PRPSAP1: variants seen among roughly 807,000 people sequenced by gnomAD.
PRPSAP1 encodes the protein phosphoribosyl pyrophosphate synthase-associated protein 1.
Under a neutral mutation model 39.4 loss-of-function variants are expected in PRPSAP1, and 31 were observed. That is an observed-to-expected ratio of 0.79 (90% confidence interval 0.59 to 1.06). PRPSAP1 has a LOEUF of 1.06. PRPSAP1 is among the 50% of genes least tolerant of loss of function. The pLI, the probability that PRPSAP1 is intolerant of heterozygous loss-of-function variation, is 0.00. For synonymous variants in PRPSAP1, 212 were observed against 192.6 expected (o/e 1.10, Z -0.83); for missense variants, 430 against 511.6 (o/e 0.84, Z 1.54).
At chr17:76,321,702 T>C (rs1417229851) in intron 7 of PRPSAP1, among the ~76,000 whole-genome samples, 3 of 152,160 alleles carry the variant, frequency 2.0e-5, no homozygotes, top group Non-Finnish European at 4.4e-5. Context: ...AAGAGCCCCA[T>C]GTCTCTTACT....
At chr17:76,332,042 G>C (rs972005801) in intron 4 of PRPSAP1, among the ~76,000 whole-genome samples, 4 of 152,118 alleles carry the variant, frequency 2.6e-5, no homozygotes, top group Non-Finnish European at 4.4e-5. Flanking sequence ...ACAGATGACA[G>C]AGAAGAGAAG....
At chr17:76,340,145 C>CAAAAA (rs71161288) in intron 3 of PRPSAP1, among the ~76,000 whole-genome samples, 1 of 77,786 alleles carries the variant, frequency 1.3e-5, no homozygotes. Flanking sequence ...GGCCTTGTCT[C>CAAAAA]AAAAAAAAAA....
At chr17:76,329,010 G>A (rs1413894399) in intron 6 of PRPSAP1, 148 bp from the exon 7 acceptor site, 27 of 944,910 alleles carry the variant, frequency 2.9e-5, no homozygotes, top group Non-Finnish European at 3.6e-5. Flanking sequence ...TGAGGCCCAG[G>A]CCAGCATGTA....
chr17:76,347,744 C>T (rs967436535), intron 2 of PRPSAP1, among the ~76,000 whole-genome samples: 14 of 152,038 alleles, frequency 9.2e-5, no homozygotes, highest in African/African-American at 2.7e-4. Context: ...GGAGTGGCCA[C>T]GGGGAGGCCA....
Position 76,328,631 on chromosome 17 carries a change from A to AC in PRPSAP1, c.781+85_781+86insG, listed in dbSNP as rs1555594261. 22 of 1,498,184 alleles carry AC rather than the reference A, an allele frequency of 1.5e-5. No individual in the cohort carries two copies. The East Asian group carries it at 2.1e-4, about 15-fold the overall frequency. The allele number at this position is 1,498,184 out of a possible 1,614,324, so 92.8% of individuals were successfully genotyped here. On this transcript the variant is annotated intron_variant, in intron 7 of 9. Transcript: ENST00000446526. ...CTCAAAAACAAAACAAAACAAAACA[A>AC]AACAACAACAACAAAACCAACAAAA... is the stretch of plus-strand genomic sequence containing the variant.
At chr17:76,314,294 A>G in intron 7 of PRPSAP1, 1 of 215,774 alleles carries the variant, frequency 4.6e-6, no homozygotes, top group South Asian at 6.1e-5. Flanking sequence ...ATCTTGGCTC[A>G]CTGCAACCTC....
At chr17:76,323,720 T>C (rs1360703756) in intron 7 of PRPSAP1, among the ~76,000 whole-genome samples, 1 of 152,110 alleles carries the variant, frequency 6.6e-6, no homozygotes, top group Non-Finnish European at 1.5e-5. Context: ...TTTTTTGTTT[T>C]TTTTTTTGAG....
chr17:76,336,448 AAAG>A (rs1312857147), intron 3 of PRPSAP1, among the ~76,000 whole-genome samples: 4 of 149,496 alleles, frequency 2.7e-5, no homozygotes, highest in African/African-American at 9.9e-5. Context: ...AAAAAAAAAA[AAAG>A]GCCAGGCACG....
intron 3 of PRPSAP1, among the ~76,000 whole-genome samples, chr17:76,333,669 A>AC (rs1386600768): frequency 7.6e-6 from 1 of 131,804 alleles, no homozygotes; most frequent in Non-Finnish European, 1.6e-5. Flanking sequence ...AACAAAACAA[A>AC]CAAAAAAAAA....
intron 3 of PRPSAP1, among the ~76,000 whole-genome samples, chr17:76,343,375 C>T (rs2071460691): frequency 6.6e-6 from 1 of 152,238 alleles, no homozygotes. Context: ...AGGCTAGAAA[C>T]AGGCCACGGT....
chr17:76,322,311 G>A (rs542568624), intron 7 of PRPSAP1, among the ~76,000 whole-genome samples: 73 of 152,228 alleles, frequency 4.8e-4, no homozygotes, highest in African/African-American at 1.7e-3. Flanking sequence ...CAGGAGAATC[G>A]CTTGAACCCA....
chr17:76,348,562 C>T lies in PRPSAP1; in HGVS notation c.190G>A (p.Gly64Arg), dbSNP rs2071535078. 6.5e-7 allele frequency: 1 copy of T among 1,529,370 alleles called. No individual in the cohort carries two copies. The highest frequency in any genetic ancestry group is 1.4e-5 in the African/African-American group (1 of 69,220). 94.7% of individuals were successfully genotyped at this position (1,529,370 alleles called of 1,614,324 possible). A position where few individuals can be genotyped will look rare whatever the true frequency, so the allele number is the denominator to read the frequency against. ...RITERLGAEL[G>R]KSVVYQETNG... ...GTCTCTTGATATACAACAGACTTCCCCAATTCAGCACCAAGGCGCCTATAG... is the reference window on the plus strand; with the variant it reads ...GTCTCTTGATATACAACAGACTTCCTCAATTCAGCACCAAGGCGCCTATAG... The change falls in exon 2 of 10, where the codon GGG becomes AGG. Residue 64 changes from glycine (G) to arginine (R), a missense_variant. This residue lies in a region of PRPSAP1 where 152 missense variants were observed against 135.2 expected (regional missense o/e 1.12). Coordinates refer to ENST00000446526, the MANE Select transcript of PRPSAP1 (RefSeq NM_002766.3).
chr17:76,351,375 C>T (rs905997080), intron 1 of PRPSAP1, among the ~76,000 whole-genome samples: 8 of 152,062 alleles, frequency 5.3e-5, no homozygotes, highest in East Asian at 1.9e-4. Flanking sequence ...ATTAGCTGTG[C>T]GAGGTGGCGG....
At chr17:76,353,375 G>T (rs1007679468) in intron 1 of PRPSAP1, 159 bp downstream of exon 1, 13 of 690,148 alleles carry the variant, frequency 1.9e-5, no homozygotes, top group Middle Eastern at 4.2e-4. Flanking sequence ...GGAGCGGGGG[G>T]CGGTATCCGT....
Position 76,330,656 on chromosome 17 carries a change from G to A in PRPSAP1, c.474C>T (p.His158=). Residue 158 remains histidine (H), a synonymous_variant, in exon 5 of 10, where the codon CAC becomes CAT. Coordinates refer to ENST00000446526, the MANE Select transcript of PRPSAP1 (RefSeq NM_002766.3). The part of the protein sequence containing the change: ...ASMLAKAGLT[H]IITMDLHQKE... The stretch of plus-strand genomic sequence containing the variant: ...TTTGATGAAGATCCATAGTGATAAT[G>A]TGAGTTAAACCTGAAATTTTAAAAC... The A allele has an allele frequency of 6.2e-7, 1 of 1,607,596 alleles. No individual in the cohort carries two copies. Among genetic ancestry groups the A allele is most frequent in the Non-Finnish European group, 8.5e-7 (1 of 1,176,026 alleles).
chr17:76,351,695 CAG>C (rs1262689128), intron 1 of PRPSAP1, among the ~76,000 whole-genome samples: 2 of 151,968 alleles, frequency 1.3e-5, no homozygotes, highest in Non-Finnish European at 2.9e-5. Flanking sequence ...ATAAATAAAA[CAG>C]ATAAGATAAA....
At chr17:76,351,967 GACAA>G (rs915188665) in intron 1 of PRPSAP1, among the ~76,000 whole-genome samples, 34 of 151,564 alleles carry the variant, frequency 2.2e-4, no homozygotes, top group Non-Finnish European at 3.8e-4. Flanking sequence ...CAGAAAGAAA[GACAA>G]ACAATCAGGG....
At chr17:76,324,973 C>T (rs2071237803) in intron 7 of PRPSAP1, among the ~76,000 whole-genome samples, 1 of 149,666 alleles carries the variant, frequency 6.7e-6, no homozygotes, top group Non-Finnish European at 1.5e-5. Context: ...GAGGCTGCGG[C>T]AGGAGAATGG....
chr17:76,312,473 C>G lies in PRPSAP1; in HGVS notation c.999+397G>C, dbSNP rs148486053. On this transcript the variant is annotated intron_variant, in intron 9 of 9. Coordinates refer to ENST00000446526, the MANE Select transcript of PRPSAP1 (RefSeq NM_002766.3). ...AAAAGCATTTAATACGCCTAACCTA[C>G]TAAACATCATTAACTTGGCCTAGCC... 4.7e-3 allele frequency among the ~76,000 whole-genome samples: 713 copies of G among 151,964 alleles called. 6 individuals carry two copies. Among genetic ancestry groups the G allele is most frequent in the Non-Finnish European group, 8.2e-3 (560 of 67,968 alleles).
Sources: allele counts gnomAD v4.1 joint callset (sites outside exome capture counted in the v4.1 genomes callset), GRCh38; gene constraint gnomAD v4.1.1; regional missense constraint gnomAD v4.1.1; transcripts MANE v1.5; gene names NCBI Gene and HGNC (gene_info 2026-07-23, HGNC 2026-07-21).